The following WWC2 variants were observed in gnomAD, a reference collection of about 807,000 sequenced individuals.
WWC2 encodes protein WWC2.
WWC2 carries 101 observed loss-of-function variants against 138.5 expected under a neutral mutation model. The ratio of observed to expected loss-of-function variants is 0.73; its 90% CI spans 0.62 to 0.86. The LOEUF (loss-of-function observed/expected upper bound fraction) is 0.86, where lower values mean the gene tolerates loss of function less well. Among genes scored for constraint, WWC2 ranks in the 40% least tolerant of loss-of-function variants. The pLI is 0.00. For synonymous variants in WWC2, 558 were observed against 538.4 expected, an observed-to-expected ratio of 1.04 and a Z score of -0.50; for missense variants, 1,420 against 1,419.4, an observed-to-expected ratio of 1.00 and a Z score of -0.01.
intron 1 of WWC2, among the ~76,000 whole-genome samples, chr4:183,119,793 T>C (rs1251036989): frequency 3.3e-5 from 5 of 152,170 alleles, no homozygotes; most frequent in Non-Finnish European, 5.9e-5. Flanking sequence ...ATTTAACCCA[T>C]TGAGGGAAGT....
At chr4:183,286,421 A>G (rs1171703866) in intron 20 of WWC2, among the ~76,000 whole-genome samples, 1 of 152,044 alleles carries the variant, frequency 6.6e-6, no homozygotes, top group African/African-American at 2.4e-5. Flanking sequence ...GGGGTGTAAG[A>G]CCTGGTACCT....
intron 1 of WWC2, among the ~76,000 whole-genome samples, chr4:183,103,912 G>C (rs1341697445): frequency 1.3e-5 from 2 of 152,128 alleles, no homozygotes; most frequent in Non-Finnish European, 2.9e-5. Context: ...GGGATTACAG[G>C]CATGAGCCAC....
At chr4:183,127,322 A>G (rs1330255884) in intron 1 of WWC2, among the ~76,000 whole-genome samples, 1 of 152,232 alleles carries the variant, frequency 6.6e-6, no homozygotes. Flanking sequence ...ATAAAAATTC[A>G]TGTTCATGCC....
intron 4 of WWC2, among the ~76,000 whole-genome samples, chr4:183,214,679 C>G (rs534016880): frequency 1.8e-4 from 28 of 151,922 alleles, no homozygotes; most frequent in African/African-American, 6.3e-4. Flanking sequence ...GTAATCCCAG[C>G]TACTAGGGAG....
intron 1 of WWC2, among the ~76,000 whole-genome samples, chr4:183,169,049 T>C (rs772599736): frequency 1.3e-5 from 2 of 151,954 alleles, no homozygotes; most frequent in African/African-American, 2.4e-5. Flanking sequence ...GGTTTCTCCA[T>C]GTTGGTCAGG....
intron 4 of WWC2, among the ~76,000 whole-genome samples, chr4:183,220,617 A>T (rs145258896): frequency 2.6e-5 from 4 of 151,934 alleles, no homozygotes; most frequent in African/African-American, 7.2e-5. Flanking sequence ...GGCAGATCAC[A>T]AGGTCAGGAG....
intron 9 of WWC2, among the ~76,000 whole-genome samples, chr4:183,258,513 G>GA (rs774538248): frequency 5.9e-5 from 9 of 152,128 alleles, no homozygotes; most frequent in Non-Finnish European, 1.3e-4. Context: ...AGAAATTAAG[G>GA]AAATTTTATT....
chr4:183,240,374 AAAAAGTT>A, intron 5 of WWC2, 112 bp downstream of exon 5: 1 of 793,714 alleles, frequency 1.3e-6, no homozygotes, highest in Non-Finnish European at 1.8e-6. Flanking sequence ...ACGTAAAGTA[AAAAAGTT>A]CAGAGCTCTA....
chr4:183,113,530 G>A (rs984728638), intron 1 of WWC2, among the ~76,000 whole-genome samples: 7 of 148,504 alleles, frequency 4.7e-5, no homozygotes, highest in Non-Finnish European at 9.0e-5. Flanking sequence ...GCGCGTGCGC[G>A]CGCACATGCA....
At chr4:183,196,499 T>C (rs28470483) in intron 2 of WWC2, among the ~76,000 whole-genome samples, 2 of 152,226 alleles carry the variant, frequency 1.3e-5, no homozygotes, top group Non-Finnish European at 2.9e-5. Context: ...GCAGATCTCC[T>C]TGGGTGATAA....
At chr4:183,231,497 C>T (rs776134088) in intron 4 of WWC2, among the ~76,000 whole-genome samples, 4 of 151,704 alleles carry the variant, frequency 2.6e-5, no homozygotes, top group Non-Finnish European at 4.4e-5. Flanking sequence ...CTTGAACTCC[C>T]GACCTCAAGT....
At chr4:183,132,896 A>G (rs1732971443) in intron 1 of WWC2, among the ~76,000 whole-genome samples, 1 of 151,992 alleles carries the variant, frequency 6.6e-6, no homozygotes, top group Admixed American at 6.6e-5. Flanking sequence ...AATGATTGTT[A>G]TTATTATTGC....
chr4:183,119,552 C>T (rs551328313), intron 1 of WWC2, among the ~76,000 whole-genome samples: 1 of 152,220 alleles, frequency 6.6e-6, no homozygotes, highest in African/African-American at 2.4e-5. Context: ...GGTATAAAGC[C>T]CCTCCTCATA....
rs778926970 is a variant in WWC2 at position 183,261,125 on chromosome 4, C to G, written c.1502C>G (p.Pro501Arg). ...AAAAGCGGTTACATTCCTTCTGGAC[C>G]CATCACCACCATCCATGAAAACGAG... ...QEKSGYIPSG[P>R]ITTIHENEVV... The change falls in exon 11 of 23, where the codon CCC becomes CGC. Residue 501 changes from proline (P) to arginine (R), a missense_variant. Physicochemically the swap from Pro to Arg is moderately radical, Grantham distance 103. Coordinates refer to ENST00000403733, the MANE Select transcript of WWC2 (RefSeq NM_024949.6). 5.0e-6 allele frequency: 8 copies of G among 1,613,936 alleles called. No homozygotes were observed. Among genetic ancestry groups the G allele is most frequent in the Non-Finnish European group, 6.8e-6 (8 of 1,179,858 alleles).
intron 1 of WWC2, among the ~76,000 whole-genome samples, chr4:183,102,822 G>T (rs185019890): frequency 6.7e-6 from 1 of 150,176 alleles, no homozygotes; most frequent in Non-Finnish European, 1.5e-5. Context: ...GAACATACCA[G>T]TTGGTGTTTA....
At chr4:183,176,515 C>T (rs1229733680) in intron 1 of WWC2, among the ~76,000 whole-genome samples, 9 of 152,044 alleles carry the variant, frequency 5.9e-5, no homozygotes, top group Admixed American at 5.9e-4. Flanking sequence ...CGCCACCTCC[C>T]AGGTTCAAGT....
intron 21 of WWC2, among the ~76,000 whole-genome samples, chr4:183,292,932 A>C (rs1738507177): frequency 6.6e-6 from 1 of 152,176 alleles, no homozygotes; most frequent in Non-Finnish European, 1.5e-5. Flanking sequence ...ACTATGTTGA[A>C]TTGTACAAAG....
intron 4 of WWC2, among the ~76,000 whole-genome samples, chr4:183,224,816 C>T (rs1311746017): frequency 6.6e-6 from 1 of 152,190 alleles, no homozygotes; most frequent in Non-Finnish European, 1.5e-5. Context: ...CTGCCTCAGC[C>T]TCTCAAAGTT....
intron 4 of WWC2, among the ~76,000 whole-genome samples, chr4:183,217,281 A>G (rs756569550): frequency 5.9e-5 from 9 of 152,166 alleles, no homozygotes; most frequent in Non-Finnish European, 1.2e-4. Context: ...GGGCTTACCA[A>G]GAGGGCATCA....
Sources: gnomAD v4.1 joint callset for allele counts (sites outside exome capture counted in the v4.1 genomes callset) on GRCh38, gnomAD v4.1.1 for gene constraint, MANE v1.5 for transcripts, NCBI Gene and HGNC (gene_info 2026-07-23, HGNC 2026-07-21) for gene names.